The following FGF14 variants were observed in gnomAD, a reference collection of about 807,000 sequenced individuals.
The protein encoded by FGF14 is fibroblast growth factor 14.
FGF14 carries 5 observed loss-of-function variants against 25.5 expected under a neutral mutation model. That is an observed-to-expected ratio of 0.20 (90% CI 0.10 to 0.41). The LOEUF is 0.41. Ranked by LOEUF, FGF14 falls within the 10% of genes least tolerant of loss-of-function variation. FGF14 has a pLI of 1.00. For missense variants in FGF14, 222 were observed against 320.1 expected, an observed-to-expected ratio of 0.69 and a Z score of 2.34; for synonymous variants, 138 against 118.3, an observed-to-expected ratio of 1.17 and a Z score of -1.08.
At chr13:102,119,009 A>C (rs2045597842) in intron 1 of FGF14, among the ~76,000 whole-genome samples, 1 of 152,178 alleles carries the variant, frequency 6.6e-6, no homozygotes, top group Non-Finnish European at 1.5e-5. Context: ...GAATTCAGTA[A>C]AACTGTTGAT....
chr13:102,019,574 T>C (rs914933882), intron 1 of FGF14, among the ~76,000 whole-genome samples: 1 of 152,176 alleles, frequency 6.6e-6, no homozygotes, highest in Non-Finnish European at 1.5e-5. Flanking sequence ...CAGTAAGTAA[T>C]GGAGCAGGTA....
At chr13:102,028,195 C>T (rs1263178501) in intron 1 of FGF14, among the ~76,000 whole-genome samples, 1 of 152,052 alleles carries the variant, frequency 6.6e-6, no homozygotes, top group Non-Finnish European at 1.5e-5. Context: ...GGTCTGCATG[C>T]TTGTGCTTCC....
chr13:102,004,248 T>C (rs1378856267), intron 1 of FGF14, among the ~76,000 whole-genome samples: 1 of 152,136 alleles, frequency 6.6e-6, no homozygotes, highest in Non-Finnish European at 1.5e-5. Flanking sequence ...GGTCTAGAAA[T>C]AATTCCAGAC....
At chr13:101,930,569 T>G (rs562369406) in intron 1 of FGF14, among the ~76,000 whole-genome samples, 25 of 152,350 alleles carry the variant, frequency 1.6e-4, no homozygotes, top group Admixed American at 1.5e-3. Context: ...CTCAGTCAGT[T>G]GCAAAGTTTT....
At chr13:102,374,330 G>A (rs2057971143) in intron 1 of FGF14, among the ~76,000 whole-genome samples, 1 of 151,656 alleles carries the variant, frequency 6.6e-6, no homozygotes, top group Non-Finnish European at 1.5e-5. Flanking sequence ...GCAAAACACA[G>A]TACCCACAAA....
intron 1 of FGF14, among the ~76,000 whole-genome samples, chr13:102,268,466 G>C (rs2141148867): frequency 6.6e-6 from 1 of 152,110 alleles, no homozygotes; most frequent in South Asian, 2.1e-4. Context: ...TTATATAAAA[G>C]TTATGTAAGT....
chr13:101,751,314 A>T (rs2037258476), intron 3 of FGF14, among the ~76,000 whole-genome samples: 1 of 152,160 alleles, frequency 6.6e-6, no homozygotes, highest in Non-Finnish European at 1.5e-5. Context: ...AAAGGGGTTT[A>T]TGGGAACGCT....
At position 101,962,585 on chromosome 13, in the gene FGF14, G is replaced by A. The variant is rs531716986; in HGVS notation, c.209-87289C>T. ...TTGAAAAATAGACATAAGATAATTT[G>A]TCATAAAGCCATTTAGGATAAAATA... On this transcript the variant is annotated intron_variant, in intron 1 of 4. Coordinates refer to the FGF14 transcript ENST00000376131. Among the ~76,000 whole-genome samples the A allele has an allele frequency of 2.1e-4, 32 of 152,154 alleles. No individual in the cohort carries two copies. The East Asian group carries it at 5.6e-3, about 27-fold the overall frequency.
intron 3 of FGF14, among the ~76,000 whole-genome samples, chr13:101,835,788 T>C (rs1289801093): frequency 6.6e-6 from 1 of 152,036 alleles, no homozygotes; most frequent in Non-Finnish European, 1.5e-5. Flanking sequence ...TAAGTGGATG[T>C]GCCTCCCTTA....
intron 1 of FGF14, among the ~76,000 whole-genome samples, chr13:102,021,496 G>A (rs184768429): frequency 1.3e-5 from 2 of 151,884 alleles, no homozygotes; most frequent in Non-Finnish European, 2.9e-5. Flanking sequence ...CTTTCTTGGT[G>A]GTGCCCTTTA....
intron 3 of FGF14, among the ~76,000 whole-genome samples, chr13:101,820,610 G>A (rs955293649): frequency 7.7e-5 from 7 of 91,218 alleles, no homozygotes; most frequent in South Asian, 5.4e-4. Context: ...TATGTAGATA[G>A]TATCTATGGC....
At position 101,939,814 on chromosome 13, in the gene FGF14, C is replaced by T. The variant is rs560070762; in HGVS notation, c.209-64518G>A. Among the ~76,000 whole-genome samples the T allele has an allele frequency of 3.9e-4, 59 of 152,122 alleles. 1 individual carries two copies. Among genetic ancestry groups the T allele is most frequent in the Admixed American group, 1.5e-3 (23 of 15,278 alleles). On this transcript the variant is annotated intron_variant, in intron 1 of 4. Coordinates refer to the FGF14 transcript ENST00000376131. ...TTGGAAAAAAGTTAAAGTCAAAAAC[C>T]ACCTCATATTAAATAAAAACGAGAC... is the stretch of plus-strand genomic sequence containing the variant.
chr13:102,080,380 C>T (rs184451448), intron 1 of FGF14, among the ~76,000 whole-genome samples: 216 of 152,246 alleles, frequency 1.4e-3, no homozygotes, highest in African/African-American at 5.0e-3. Context: ...GGATGATTCC[C>T]AGGTTTGGTG....
At chr13:101,958,727 AC>A (rs1566494899) in intron 1 of FGF14, among the ~76,000 whole-genome samples, 1 of 152,210 alleles carries the variant, frequency 6.6e-6, no homozygotes, top group East Asian at 1.9e-4. Flanking sequence ...CAATCTCAGA[AC>A]ATATGCACCT....
At chr13:102,263,599 T>C (rs2052831281) in intron 1 of FGF14, among the ~76,000 whole-genome samples, 1 of 152,214 alleles carries the variant, frequency 6.6e-6, no homozygotes, top group African/African-American at 2.4e-5. Context: ...TCAGAATTAC[T>C]AATTTAGGCT....
chr13:102,268,076 A>G (rs1034313277), intron 1 of FGF14, among the ~76,000 whole-genome samples: 3 of 152,198 alleles, frequency 2.0e-5, no homozygotes, highest in Non-Finnish European at 4.4e-5. Flanking sequence ...AATAAATGTA[A>G]ATGGAATAAA....
intron 1 of FGF14, among the ~76,000 whole-genome samples, chr13:102,060,723 G>A (rs2042648129): frequency 6.6e-6 from 1 of 152,128 alleles, no homozygotes; most frequent in African/African-American, 2.4e-5. Flanking sequence ...GGGAAGTGCT[G>A]GGTAGATAAG....
intron 1 of FGF14, among the ~76,000 whole-genome samples, chr13:102,066,355 C>T (rs1331811905): frequency 2.6e-5 from 4 of 152,164 alleles, no homozygotes; most frequent in African/African-American, 9.7e-5. Flanking sequence ...GCTTTCCTGA[C>T]ATCTAATTTG....
rs548820174 is a variant in FGF14, at chr13:101,840,671, T to C, written c.408+28054A>G. ...CATTCATGCAGTGTTGTAAATGTAC[T>C]ATTTTGTGCATGTATATCAACCAAA... On this transcript the variant is annotated intron_variant, in intron 3 of 4. Transcript: ENST00000376143. Among the ~76,000 whole-genome samples the C allele has an allele frequency of 1.3e-4, 20 of 152,086 alleles. No individual in the cohort carries two copies. In the South Asian group the frequency reaches 3.5e-3, roughly 27 times the overall value.
Sources: allele counts gnomAD v4.1 joint callset (sites outside exome capture counted in the v4.1 genomes callset), GRCh38; gene constraint gnomAD v4.1.1; transcripts MANE v1.5; gene names NCBI Gene and HGNC (gene_info 2026-07-23, HGNC 2026-07-21).